The following XPA variants were observed in gnomAD, a reference collection of about 807,000 sequenced individuals.
XPA encodes the protein DNA repair protein complementing XP-A cells.
Under a neutral mutation model 35.7 loss-of-function variants are expected in XPA, and 27 were observed. The ratio of observed to expected loss-of-function variants is 0.76; its 90% CI spans 0.56 to 1.04. XPA has a LOEUF of 1.04. XPA is among the 50% of genes least tolerant of loss of function. The pLI, the probability that XPA is intolerant of heterozygous loss-of-function variation, is 0.00. For missense variants in XPA, 354 were observed against 342.7 expected (o/e 1.03, Z -0.26); for synonymous variants, 133 against 118.4 (o/e 1.12, Z -0.80).
chr9:97,686,479 T>C (rs1479440232), intron 4 of XPA, among the ~76,000 whole-genome samples: 1 of 152,224 alleles, frequency 6.6e-6, no homozygotes, highest in Non-Finnish European at 1.5e-5. Context: ...TCTTGAAATT[T>C]TTCTTTTTTT....
intron 5 of XPA, among the ~76,000 whole-genome samples, chr9:97,679,273 T>C (rs1412749236): frequency 1.3e-5 from 2 of 152,196 alleles, no homozygotes; most frequent in Non-Finnish European, 2.9e-5. Context: ...TGTGTATGTA[T>C]AGAAAGAGCA....
downstream of XPA, among the ~76,000 whole-genome samples, chr9:97,674,496 T>G (rs1172318406): frequency 1.3e-5 from 2 of 152,226 alleles, no homozygotes; most frequent in Non-Finnish European, 2.9e-5. Flanking sequence ...TCAAACAATT[T>G]GAAAATATCA....
Position 97,675,208 on chromosome 9 carries a change from G to C in XPA, c.*231C>G, listed in dbSNP as rs998589594. On this transcript the variant is annotated 3_prime_UTR_variant, in exon 6 of 6. Transcript: ENST00000375128. ...CTAGCACTCAGCTCCCATCTCTGTT[G>C]TAAGAAGGCAATCACAGACATGACA... 3.1e-5 allele frequency: 20 copies of C among 640,052 alleles called. No individual in the cohort carries two copies. The highest frequency in any genetic ancestry group is 4.1e-4 in the Middle Eastern group (1 of 2,458). The allele number at this position is 640,052 out of a possible 1,614,324, so 39.6% of individuals were successfully genotyped here.
At chr9:97,669,997 A>G (rs1392714076), downstream of XPA, 1 of 422,618 alleles carries the variant, frequency 2.4e-6, no homozygotes, top group African/African-American at 2.3e-5. Flanking sequence ...ATCTCAGCTC[A>G]CTGCAACCTC....
the XPA span, among the ~76,000 whole-genome samples, chr9:97,662,641 G>T: frequency 2.9e-4 from 44 of 152,296 alleles, no homozygotes; most frequent in African/African-American, 1.0e-3. Context: ...TATATTACTT[G>T]CAGGGTTCCC....
At chr9:97,667,993 G>A in the XPA span, among the ~76,000 whole-genome samples, 370 of 152,316 alleles carry the variant, frequency 2.4e-3, 6 homozygotes, top group Non-Finnish European at 6.0e-4. Context: ...TGTTTATAGA[G>A]AGAAAAGCAA....
the XPA span, among the ~76,000 whole-genome samples, chr9:97,657,112 G>A: frequency 2.0e-5 from 3 of 152,080 alleles, no homozygotes; most frequent in African/African-American, 7.2e-5. Context: ...GACTACAGGC[G>A]CCCGCCACCA....
In XPA at chr9:97,693,898, A is replaced by G. The variant is rs1353979934; in HGVS notation, c.173-139T>C. On this transcript the variant is annotated intron_variant, in intron 1 of 5. Transcript: ENST00000375128. ...TCCACAATCACTACTTCTATTCAAC[A>G]TTATACTGAAGGTCCCAGCTAGTCT... The G allele has an allele frequency of 1.4e-5, 11 of 812,866 alleles. No individual in the cohort carries two copies. The East Asian group carries it at 1.6e-4, about 12-fold the overall frequency. 50.4% of individuals were successfully genotyped at this position (812,866 alleles called of 1,614,324 possible).
At chr9:97,658,315 A>G in the XPA span, among the ~76,000 whole-genome samples, 3 of 152,110 alleles carry the variant, frequency 2.0e-5, no homozygotes, top group Non-Finnish European at 2.9e-5. Flanking sequence ...CATTATCCTC[A>G]ATATTTATTT....
chr9:97,690,818 C>T (rs2805833), intron 2 of XPA, among the ~76,000 whole-genome samples: 114,273 of 152,258 alleles, frequency 0.75, 44,554 homozygotes, highest in Middle Eastern at 0.88. Context: ...CCACCGTGCC[C>T]GGCCCCTCTT....
rs1828816397 is a variant in XPA, at chr9:97,689,457, CCAAA to C, written c.389+73_389+76del. On this transcript the variant is annotated intron_variant, in intron 3 of 5. Coordinates refer to ENST00000375128, the MANE Select transcript of XPA (RefSeq NM_000380.4). ...CATAATTACTAAGAAAATATCAAAT[CCAAA>C]CAGATATAACTTGTTTTGCCCTAAA... is the stretch of plus-strand genomic sequence containing the variant. The C allele has an allele frequency of 4.5e-6, 4 of 879,850 alleles. No homozygotes were observed. The East Asian group carries it at 1.0e-4, about 23-fold the overall frequency. 54.5% of individuals were successfully genotyped at this position (879,850 alleles called of 1,614,324 possible).
rs935683501 is a variant in XPA, at chr9:97,675,304, C to T, written c.*135G>A. On this transcript the variant is annotated 3_prime_UTR_variant, in exon 6 of 6. Coordinates refer to ENST00000375128, the MANE Select transcript of XPA (RefSeq NM_000380.4). The stretch of plus-strand genomic sequence containing the variant: ...TAAGCCATAACATACATAATTATTA[C>T]TGAAGTATTACTTATACAAGGGTTT... 5.0e-6 allele frequency: 5 copies of T among 1,005,506 alleles called. No individual in the cohort carries two copies. In the Admixed American group the frequency reaches 9.9e-5, roughly 20 times the overall value. 62.3% of individuals were successfully genotyped at this position (1,005,506 alleles called of 1,614,324 possible).
the XPA span, among the ~76,000 whole-genome samples, chr9:97,660,497 C>T: frequency 1.3e-5 from 2 of 152,128 alleles, no homozygotes; most frequent in African/African-American, 2.4e-5. Flanking sequence ...CAGCCATTAC[C>T]TTGTTGAGAC....
At chr9:97,671,059 T>G (rs1180608857), downstream of XPA, 1 of 1,482,842 alleles carries the variant, frequency 6.7e-7, no homozygotes, top group African/African-American at 1.4e-5. Context: ...TTTCCTGACC[T>G]AACTACCCCC....
chr9:97,696,556 G>A (rs1448699214), intron 1 of XPA, among the ~76,000 whole-genome samples: 1 of 152,094 alleles, frequency 6.6e-6, no homozygotes, highest in African/African-American at 2.4e-5. Flanking sequence ...AGGAGATTCT[G>A]ATTGCTGAAT....
chr9:97,656,303 C>T, the XPA span, among the ~76,000 whole-genome samples: 3 of 152,194 alleles, frequency 2.0e-5, no homozygotes, highest in East Asian at 1.9e-4. Context: ...TGTCACAGGC[C>T]GGGCGCAGTG....
intron 2 of XPA, among the ~76,000 whole-genome samples, chr9:97,692,722 C>A (rs1349159286): frequency 6.6e-6 from 1 of 152,100 alleles, no homozygotes; most frequent in Non-Finnish European, 1.5e-5. Flanking sequence ...TTACATTTAC[C>A]ACTCAGAAAC....
chr9:97,672,223 T>C (rs890728289), downstream of XPA: 1 of 152,210 alleles, frequency 6.6e-6, no homozygotes, highest in African/African-American at 2.4e-5. Flanking sequence ...ATTTTTAGAC[T>C]TTTTTCATTA....
intron 2 of XPA, 68 bp from the exon 3 acceptor site, chr9:97,689,707 A>G: frequency 1.1e-6 from 1 of 924,438 alleles, no homozygotes; most frequent in South Asian, 1.5e-5. Flanking sequence ...CCTCTATTTT[A>G]TTAGCTTATC....
Sources: allele counts gnomAD v4.1 joint callset (sites outside exome capture counted in the v4.1 genomes callset), GRCh38; gene constraint gnomAD v4.1.1; transcripts MANE v1.5; gene names NCBI Gene and HGNC (gene_info 2026-07-23, HGNC 2026-07-21).